LCN9: variants seen among roughly 807,000 people sequenced by gnomAD.
LCN9 encodes lipocalin 9, also known as epididymal-specific lipocalin-9.
In LCN9, 22 loss-of-function variants were observed where a neutral mutation model predicts 18.5. That is an observed-to-expected ratio of 1.19 (90% CI 0.85 to 1.70). The LOEUF is 1.70. Ranked by LOEUF, LCN9 falls within the 40% of genes most tolerant of loss-of-function variation. The pLI is 0.00. For synonymous variants in LCN9, 89 were observed against 83.0 expected (o/e 1.07, Z -0.39); for missense variants, 202 against 201.3 (o/e 1.00, Z -0.02).
In LCN9 at chr9:135,664,941, C is replaced by T; in HGVS notation, c.307+146C>T. On this transcript the variant is annotated intron_variant, in intron 3 of 5. Coordinates refer to ENST00000619315, the Ensembl canonical transcript of LCN9. The surrounding 1 kb of genome is among the most constrained non-coding windows in gnomAD (Gnocchi z 4.5). ...CCTGAACTGGAGGGACCCATCCTGGCACCTACCCAGGGGGGCTCCTGGCCC... is the reference window on the plus strand; with the variant it reads ...CCTGAACTGGAGGGACCCATCCTGGTACCTACCCAGGGGGGCTCCTGGCCC... The T allele has an allele frequency of 1.1e-6, 1 of 878,258 alleles. No individual in the cohort carries two copies. Among genetic ancestry groups the T allele is most frequent in the South Asian group, 1.6e-5 (1 of 61,774 alleles). 54.4% of individuals were successfully genotyped at this position (878,258 alleles called of 1,614,324 possible). A position where few individuals can be genotyped will look rare whatever the true frequency, so the allele number is the denominator to read the frequency against.
chr9:135,663,342 C>T (rs759882828), exon 1 of LCN9: 18 of 1,613,656 alleles, frequency 1.1e-5, no homozygotes, highest in Non-Finnish European at 1.4e-5. Context: ...TTCTGCTGAG[C>T]CTGGGGCTGA....
rs1183469556 is a variant in LCN9 at position 135,664,803 on chromosome 9, G to A, written c.307+8G>A. On this transcript the variant is annotated splice_region_variant and intron_variant, in intron 3 of 5. Transcript: ENST00000619315. This position sits in a 1 kb window ranked among gnomAD's most constrained non-coding sequence, Gnocchi z 4.5. ...GGGAATACTCCATCAACTGTAAGTGGAAGCCAGGCTCCTCCTGGTCTCACA... is the reference window on the plus strand; with the variant it reads ...GGGAATACTCCATCAACTGTAAGTGAAAGCCAGGCTCCTCCTGGTCTCACA... 1 of 1,575,554 alleles carries A rather than the reference G, an allele frequency of 6.3e-7. No homozygotes were observed. Among genetic ancestry groups the A allele is most frequent in the East Asian group, 2.3e-5 (1 of 42,734 alleles).
At position 135,664,839 on chromosome 9, in the gene LCN9, T is replaced by A; in HGVS notation, c.307+44T>A. The A allele has an allele frequency of 1.3e-6, 2 of 1,536,758 alleles. No individual in the cohort carries two copies. The highest frequency in any genetic ancestry group is 4.9e-5 in the East Asian group (2 of 41,118). On this transcript the variant is annotated intron_variant, in intron 3 of 5. Coordinates refer to ENST00000619315, the Ensembl canonical transcript of LCN9. This position sits in a 1 kb window ranked among gnomAD's most constrained non-coding sequence, Gnocchi z 4.5. ...CCTCCTGGTCTCACAGTCGGGGGTC[T>A]CCTTTCTCCAGGGCCTGGGCCATAT... is the stretch of plus-strand genomic sequence containing the variant.
exon 6 of LCN9, chr9:135,666,340 G>T: frequency 1.7e-6 from 1 of 572,898 alleles, no homozygotes; most frequent in Non-Finnish European, 3.1e-6. Context: ...TCCAGCCTCT[G>T]CCTCTGTCTG....
chr9:135,663,380 C>T (rs760009913), exon 1 of LCN9: 9 of 1,613,830 alleles, frequency 5.6e-6, no homozygotes, highest in Middle Eastern at 1.6e-4. Context: ...GAGTTCGATC[C>T]CCACACCGTT....
rs1319110073 is a variant in LCN9, at chr9:135,664,961, T to C, written c.307+166T>C. 6.6e-6 allele frequency among the ~76,000 whole-genome samples: 1 copy of C among 152,132 alleles called. No homozygotes were observed. Among genetic ancestry groups the C allele is most frequent in the Non-Finnish European group, 1.5e-5 (1 of 68,000 alleles). On this transcript the variant is annotated intron_variant, in intron 3 of 5. Transcript: ENST00000619315. This position sits in a 1 kb window ranked among gnomAD's most constrained non-coding sequence, Gnocchi z 4.5. ...CCTGGCACCTACCCAGGGGGGCTCC[T>C]GGCCCAGGGGAAGCAGGGAGGCAGG...
Position 135,665,504 on chromosome 9 carries a change from G to A in LCN9, c.418+149G>A. 1 of 807,926 alleles carries A rather than the reference G, an allele frequency of 1.2e-6. No individual in the cohort carries two copies. 50.0% of individuals were successfully genotyped at this position (807,926 alleles called of 1,614,324 possible). On this transcript the variant is annotated intron_variant, in intron 4 of 5. Transcript: ENST00000619315. This position sits in a 1 kb window ranked among gnomAD's most constrained non-coding sequence, Gnocchi z 5.9. ...ATTCCTTCCCACAGACACACCGTTA[G>A]GGTGCTGGGTGCTTCAATCTGTCAC...
At position 135,665,931 on chromosome 9, in the gene LCN9, C is replaced by A; in HGVS notation, c.*80C>A. The A allele has an allele frequency of 1.2e-6, 2 of 1,607,382 alleles. No homozygotes were observed. The highest frequency in any genetic ancestry group is 8.5e-7 in the Non-Finnish European group (1 of 1,178,360). ...TGCGTGAGCTGCGACTCGGGACGGG[C>A]AGGGGGCTGGATGGGGAGAGCTTGG... On this transcript the variant is annotated 3_prime_UTR_variant, in exon 6 of 6. Coordinates refer to ENST00000619315, the Ensembl canonical transcript of LCN9. This position sits in a 1 kb window ranked among gnomAD's most constrained non-coding sequence, Gnocchi z 5.9.
Position 135,664,082 on chromosome 9 carries a change from C to T in LCN9, c.97-80C>T. On this transcript the variant is annotated intron_variant, in intron 1 of 5. Transcript: ENST00000619315. The surrounding 1 kb of genome is among the most constrained non-coding windows in gnomAD (Gnocchi z 4.5). The stretch of plus-strand genomic sequence containing the variant: ...GAGCCAGATGCTAAGGGGCCGGGCC[C>T]TGGGAGGGAAGACTGTGGGCGCTAA... The T allele has an allele frequency of 6.6e-7, 1 of 1,521,728 alleles. No individual in the cohort carries two copies. 94.3% of individuals were successfully genotyped at this position (1,521,728 alleles called of 1,614,324 possible). A position where few individuals can be genotyped will look rare whatever the true frequency, so the allele number is the denominator to read the frequency against.
In LCN9 at chr9:135,665,272, C is replaced by G. The variant is rs1403252169; in HGVS notation, c.335C>G (p.Ser112Trp). The G allele has an allele frequency of 6.2e-7, 1 of 1,602,844 alleles. No homozygotes were observed. The highest frequency in any genetic ancestry group is 1.7e-5 in the Admixed American group (1 of 58,672). Residue 112 changes from serine to tryptophan, a missense_variant, in exon 4 of 6, where the codon TCG (serine) becomes TGG (tryptophan). By Grantham distance (177) the Ser-to-Trp change is radical. Transcript: ENST00000619315. The surrounding 1 kb of genome is among the most constrained non-coding windows in gnomAD (Gnocchi z 5.9). Reference sequence around the variant, plus strand: ...GAGGGCCAGAACACAGTGGCCGTCTCGGAGACTGACTACAGGCTGTTCATC... The same window carrying G: ...GAGGGCCAGAACACAGTGGCCGTCTGGGAGACTGACTACAGGCTGTTCATC...
Position 135,666,299 on chromosome 9 carries a change from G to A in LCN9, c.*448G>A, listed in dbSNP as rs868135265. On this transcript the variant is annotated 3_prime_UTR_variant, in exon 6 of 6. Transcript: ENST00000619315. ...TTCCTGCCTCTTCCGGCTGCTGGGG[G>A]CTCCAGGCATCCCTGGCTTGTGGCT... 1.7e-5 allele frequency: 11 copies of A among 657,730 alleles called. No individual in the cohort carries two copies. In the Middle Eastern group the frequency reaches 2.9e-3, roughly 172 times the overall value. 40.7% of individuals were successfully genotyped at this position (657,730 alleles called of 1,614,324 possible). A position where few individuals can be genotyped will look rare whatever the true frequency, so the allele number is the denominator to read the frequency against.
rs1327837815 is a variant in LCN9, at chr9:135,664,875, A to C, written c.307+80A>C. 7.1e-7 allele frequency: 1 copy of C among 1,410,790 alleles called. No homozygotes were observed. The highest frequency in any genetic ancestry group is 9.7e-7 in the Non-Finnish European group (1 of 1,030,078). 87.4% of individuals were successfully genotyped at this position (1,410,790 alleles called of 1,614,324 possible). ...GGGCCTGGGCCATATTCTGGTGAGC[A>C]CTGACTCTGGGGATTTTAGTTAAGC... On this transcript the variant is annotated intron_variant, in intron 3 of 5. Transcript: ENST00000619315. The surrounding 1 kb of genome is among the most constrained non-coding windows in gnomAD (Gnocchi z 4.5).
At chr9:135,666,824 C>T (rs888945868) in exon 6 of LCN9, among the ~76,000 whole-genome samples, 28 of 150,452 alleles carry the variant, frequency 1.9e-4, no homozygotes, top group African/African-American at 6.6e-4. Context: ...TCCCTCCCCT[C>T]TCTGCCCCTC....
At position 135,665,629 on chromosome 9, in the gene LCN9, A is replaced by T; in HGVS notation, c.419-59A>T. The stretch of plus-strand genomic sequence containing the variant: ...CACCCCCAGCAAGGCCCAGCTTCAC[A>T]CAGAACCAACTCTGTTCCCAGCACG... On this transcript the variant is annotated intron_variant, in intron 4 of 5. Coordinates refer to ENST00000619315, the Ensembl canonical transcript of LCN9. This position sits in a 1 kb window ranked among gnomAD's most constrained non-coding sequence, Gnocchi z 5.9. The T allele has an allele frequency of 6.5e-7, 1 of 1,546,324 alleles. No homozygotes were observed. The highest frequency in any genetic ancestry group is 8.8e-7 in the Non-Finnish European group (1 of 1,133,428).
chr9:135,665,770 C>A lies in LCN9; in HGVS notation c.*9+18C>A. 5 of 1,612,916 alleles carry A rather than the reference C, an allele frequency of 3.1e-6. No homozygotes were observed. Among genetic ancestry groups the A allele is most frequent in the Non-Finnish European group, 4.2e-6 (5 of 1,179,450 alleles). ...CAACAAAGGTCAGCCCCACTGCTCC[C>A]GGACCAAGCGGGAGCCGGGACAGGG... On this transcript the variant is annotated intron_variant, in intron 5 of 5. Coordinates refer to ENST00000619315, the Ensembl canonical transcript of LCN9. The surrounding 1 kb of genome is among the most constrained non-coding windows in gnomAD (Gnocchi z 5.9).
chr9:135,666,149 G>T (rs1834219257), exon 6 of LCN9: 1 of 1,587,644 alleles, frequency 6.3e-7, no homozygotes, highest in African/African-American at 1.3e-5. Context: ...GTCTCCAGGG[G>T]CTGATGTCAC....
chr9:135,664,582 C>T lies in LCN9; in HGVS notation c.234-140C>T. 1 of 839,102 alleles carries T rather than the reference C, an allele frequency of 1.2e-6. No homozygotes were observed. Among genetic ancestry groups the T allele is most frequent in the Non-Finnish European group, 1.8e-6 (1 of 548,562 alleles). The allele number at this position is 839,102 out of a possible 1,614,324, so 52.0% of individuals were successfully genotyped here. A position where few individuals can be genotyped will look rare whatever the true frequency, so the allele number is the denominator to read the frequency against. ...GTGTCCGGTGGGCTGCAGCAGGGCC[C>T]AGCCCAAGAACTTGGGGCTGTGGAA... On this transcript the variant is annotated intron_variant, in intron 2 of 5. Transcript: ENST00000619315. This position sits in a 1 kb window ranked among gnomAD's most constrained non-coding sequence, Gnocchi z 4.5.
chr9:135,664,238 T>C lies in LCN9; in HGVS notation c.173T>C (p.Val58Ala). 7 of 1,613,084 alleles carry C rather than the reference T, an allele frequency of 4.3e-6. No homozygotes were observed. The highest frequency in any genetic ancestry group is 5.9e-6 in the Non-Finnish European group (7 of 1,179,700). The change falls in exon 2 of 6, where the codon GTC (valine) becomes GCC (alanine). Residue 58 changes from valine to alanine, a missense_variant. Coordinates refer to ENST00000619315, the Ensembl canonical transcript of LCN9. This position sits in a 1 kb window ranked among gnomAD's most constrained non-coding sequence, Gnocchi z 4.5. ...ATTAAAGAAAATGGAGACCTGAGGG[T>C]CTTCGTCCGGAATATTGAACACTTG...
Position 135,665,020 on chromosome 9 carries a change from T to G in LCN9, c.307+225T>G, listed in dbSNP as rs1834193108. Among the ~76,000 whole-genome samples the G allele has an allele frequency of 6.6e-6, 1 of 152,076 alleles. No individual in the cohort carries two copies. The highest frequency in any genetic ancestry group is 1.5e-5 in the Non-Finnish European group (1 of 67,992). ...GCTGAGCTCTGGGGGGTGAGCCCAC[T>G]GAGGGGCCACCAGGGTCTGCAAGCC... On this transcript the variant is annotated intron_variant, in intron 3 of 5. Transcript: ENST00000619315. The surrounding 1 kb of genome is among the most constrained non-coding windows in gnomAD (Gnocchi z 5.9).
Sources: allele counts gnomAD v4.1 joint callset (sites outside exome capture counted in the v4.1 genomes callset), GRCh38; gene constraint gnomAD v4.1.1; non-coding constraint Gnocchi (gnomAD v3.1); transcripts MANE v1.5; gene names NCBI Gene and HGNC (gene_info 2026-07-23, HGNC 2026-07-21).